AK9: variants seen among roughly 807,000 people sequenced by gnomAD.
AK9 encodes adenylate kinase 9.
Under a neutral mutation model 239.6 loss-of-function variants are expected in AK9, and 191 were observed. The ratio of observed to expected loss-of-function variants is 0.80; its 90% CI spans 0.71 to 0.90. AK9 has a LOEUF of 0.90. Ranked by LOEUF, AK9 falls within the 40% of genes least tolerant of loss-of-function variation. The pLI, the probability that AK9 is intolerant of heterozygous loss-of-function variation, is 0.00. For synonymous variants in AK9, 689 were observed against 721.0 expected (o/e 0.96, Z 0.71); for missense variants, 1,995 against 2,214.7 (o/e 0.90, Z 1.99).
intron 1 of AK9, among the ~76,000 whole-genome samples, chr6:109,679,902 A>G (rs182525570): frequency 3.5e-4 from 54 of 152,346 alleles, no homozygotes; most frequent in Non-Finnish European, 5.6e-4. Context: ...AAAGAATGGC[A>G]TCAATATCAA....
At chr6:109,559,456 T>C (rs1785461146) in intron 24 of AK9, among the ~76,000 whole-genome samples, 1 of 152,238 alleles carries the variant, frequency 6.6e-6, no homozygotes, top group Non-Finnish European at 1.5e-5. Flanking sequence ...CGTGAGCCAC[T>C]GTGCCCGGCC....
chr6:109,632,073 TG>T, intron 12 of AK9: 1 of 815,708 alleles, frequency 1.2e-6, no homozygotes, highest in Non-Finnish European at 1.5e-6. Flanking sequence ...GTCTGGGTGC[TG>T]GCAACATTCC....
chr6:109,613,098 G>A (rs1030824082), intron 15 of AK9, among the ~76,000 whole-genome samples: 1 of 150,348 alleles, frequency 6.7e-6, no homozygotes, highest in Non-Finnish European at 1.5e-5. Context: ...TATCCTCTCA[G>A]ACACTTAATA....
chr6:109,596,350 C>T (rs934780960), intron 17 of AK9, among the ~76,000 whole-genome samples: 2 of 152,188 alleles, frequency 1.3e-5, no homozygotes, highest in Admixed American at 6.5e-5. Context: ...TACCAAGTAC[C>T]CACAGATGTG....
chr6:109,671,858 C>T (rs1459616048), intron 5 of AK9, 61 bp downstream of exon 5: 1 of 1,488,736 alleles, frequency 6.7e-7, no homozygotes, highest in Non-Finnish European at 9.2e-7. Flanking sequence ...ATTTTTGCCT[C>T]AGATAAAGCA....
intron 1 of AK9, among the ~76,000 whole-genome samples, chr6:109,686,204 T>C (rs1369528201): frequency 2.0e-5 from 3 of 152,320 alleles, no homozygotes; most frequent in African/African-American, 4.8e-5. Flanking sequence ...ATATCAGACC[T>C]AGTGAGCAGG....
At position 109,612,068 on chromosome 6, in the gene AK9, G is replaced by T; in HGVS notation, c.1635C>A (p.Phe545Leu). 6.5e-7 allele frequency: 1 copy of T among 1,540,458 alleles called. No individual in the cohort carries two copies. Among genetic ancestry groups the T allele is most frequent in the Non-Finnish European group, 8.8e-7 (1 of 1,141,984 alleles). ...CATCTTGAGAATGCCTTTTAAATGT[G>T]AATGTTTCACCAGTTTCTTTTCCAT... ...KDDGKETGET[F>L]TFKRHSQDAS... The change falls in exon 16 of 41, where the codon TTC becomes TTA. Residue 545 changes from phenylalanine to leucine, a missense_variant. Phe to Leu is a conservative substitution (Grantham distance 22). Around this residue, in one of 5 missense-constraint regions of AK9, gnomAD observed 1,290 missense variants for 1,392.7 expected, o/e 0.93. Coordinates refer to ENST00000424296, the MANE Select transcript of AK9 (RefSeq NM_001145128.3).
chr6:109,547,369 G>T (rs919410110), intron 25 of AK9, among the ~76,000 whole-genome samples: 4 of 152,202 alleles, frequency 2.6e-5, no homozygotes, highest in Admixed American at 6.5e-5. Context: ...GCATAGCACA[G>T]TAGTAAAGTA....
rs189596440 is a variant in AK9 at position 109,614,247 on chromosome 6, G to A, written c.1545C>T (p.Thr515=). 10 of 1,551,140 alleles carry A rather than the reference G, an allele frequency of 6.4e-6. No individual in the cohort carries two copies. Among genetic ancestry groups the A allele is most frequent in the Middle Eastern group, 1.7e-4 (1 of 5,990 alleles). ...TTTCTGACTTTGTTTTGGCTTCTTC[G>A]GTGTCCACTAAAGAGCTGCCTCTGT... ...QRDRGSSLVD[T]EEAKTKSENV... is the part of the protein sequence containing the mutation. The change falls in exon 15 of 41, where the codon ACC becomes ACT. Residue 515 remains threonine (T), a synonymous_variant. Transcript: ENST00000424296.
At chr6:109,582,388 G>A (rs1175487203) in intron 19 of AK9, among the ~76,000 whole-genome samples, 1 of 152,278 alleles carries the variant, frequency 6.6e-6, no homozygotes, top group South Asian at 2.1e-4. Context: ...ATTTGTGGGA[G>A]GAGGTCAAAA....
At chr6:109,675,325 A>AC (rs1322192355) in intron 2 of AK9, among the ~76,000 whole-genome samples, 1 of 152,152 alleles carries the variant, frequency 6.6e-6, no homozygotes, top group African/African-American at 2.4e-5. Context: ...ATAACATATA[A>AC]CATAGTATTG....
intron 29 of AK9, among the ~76,000 whole-genome samples, chr6:109,521,695 C>T (rs1023255900): frequency 1.4e-4 from 22 of 152,190 alleles, no homozygotes; most frequent in African/African-American, 5.1e-4. Flanking sequence ...TTATTCACTA[C>T]AGCTGGAGTT....
chr6:109,585,870 A>G (rs899538059), intron 18 of AK9, 46 bp downstream of exon 18: 31 of 1,503,144 alleles, frequency 2.1e-5, no homozygotes, highest in Non-Finnish European at 2.7e-5. Flanking sequence ...AAAAATATCA[A>G]TAACAAAACT....
At chr6:109,532,181 T>C (rs915474301) in intron 28 of AK9, among the ~76,000 whole-genome samples, 6 of 152,224 alleles carry the variant, frequency 3.9e-5, no homozygotes, top group Non-Finnish European at 1.5e-5. Flanking sequence ...CATTCTCCCC[T>C]GCCAAATGTT....
chr6:109,552,635 T>G (rs1784502222), intron 24 of AK9, among the ~76,000 whole-genome samples: 1 of 152,242 alleles, frequency 6.6e-6, no homozygotes, highest in Admixed American at 6.5e-5. Flanking sequence ...TGCAAAAATT[T>G]TCTCCCATTC....
intron 29 of AK9, chr6:109,528,807 C>A: frequency 1.2e-6 from 1 of 808,836 alleles, no homozygotes; most frequent in African/African-American, 1.7e-5. Context: ...CCTTGAAAAG[C>A]TGTTACAAGA....
At position 109,585,995 on chromosome 6, in the gene AK9, T is replaced by C. The variant is rs1215345938; in HGVS notation, c.1920A>G (p.Val640=). Residue 640 remains valine, a synonymous_variant, in exon 18 of 41, where the codon GTA becomes GTG. Transcript: ENST00000424296. ...TGATTAAGGCCATCCACAATTCTTTTACAATAGGGCAGTTGTCCACAATCC... is the reference window on the plus strand; with the variant it reads ...TGATTAAGGCCATCCACAATTCTTTCACAATAGGGCAGTTGTCCACAATCC... The part of the protein sequence containing the change: ...GGWIVDNCPI[V]KELWMALIKK... The C allele has an allele frequency of 6.4e-7, 1 of 1,551,442 alleles. No homozygotes were observed. Among genetic ancestry groups the C allele is most frequent in the Non-Finnish European group, 8.7e-7 (1 of 1,146,938 alleles).
chr6:109,509,335 A>G lies in AK9; in HGVS notation c.4325T>C (p.Ile1442Thr), dbSNP rs1287228968. 6.4e-7 allele frequency: 1 copy of G among 1,551,590 alleles called. No homozygotes were observed. Among genetic ancestry groups the G allele is most frequent in the East Asian group, 2.4e-5 (1 of 40,920 alleles). The change falls in exon 33 of 41, where the codon ATA becomes ACA. Residue 1442 changes from isoleucine (I) to threonine (T), a missense_variant. Ile to Thr is a moderately conservative substitution (Grantham distance 89, BLOSUM62 -1). Transcript: ENST00000424296. ...TAGTACATAACGCAAAGCTCCTCCT[A>G]TTGATAAATGCTTTAACCCATATTC... ...TSEYGLKHLS[I>T]GGALRYVLNN... is the part of the protein sequence containing the mutation.
chr6:109,509,379 A>G lies in AK9; in HGVS notation c.4281T>C (p.Val1427=). ...CATATTCACTTGTAATTTTTTTGGC[A>G]ACTGAAAAACATAAAACTTTTAAAT... The part of the protein sequence containing the change: ...VGPPKSGKTT[V]AKKITSEYGL... The change falls in exon 33 of 41, where the codon GTT becomes GTC. Residue 1427 remains valine, a splice_region_variant and synonymous_variant. Transcript: ENST00000424296. The G allele has an allele frequency of 6.5e-7, 1 of 1,548,146 alleles. No homozygotes were observed. The highest frequency in any genetic ancestry group is 1.2e-5 in the South Asian group (1 of 83,526).
Sources: allele counts gnomAD v4.1 joint callset (sites outside exome capture counted in the v4.1 genomes callset), GRCh38; gene constraint gnomAD v4.1.1; regional missense constraint gnomAD v4.1.1; transcripts MANE v1.5; gene names NCBI Gene and HGNC (gene_info 2026-07-23, HGNC 2026-07-21).